The following URAD variants were observed in gnomAD, a reference collection of about 807,000 sequenced individuals.
URAD encodes putative 2-oxo-4-hydroxy-4-carboxy-5-ureidoimidazoline decarboxylase.
URAD carries 4 observed loss-of-function variants against 4.6 expected under a neutral mutation model. The ratio of observed to expected loss-of-function variants is 0.87; its 90% CI spans 0.43 to 1.98. URAD has a LOEUF of 1.98. URAD is among the 30% of genes most tolerant of loss of function. URAD has a pLI of 0.03. For missense variants in URAD, 300 were observed against 255.3 expected, an observed-to-expected ratio of 1.18 and a Z score of -1.19; for synonymous variants, 144 against 118.2, an observed-to-expected ratio of 1.22 and a Z score of -1.41.
In URAD at chr13:27,978,163, C is replaced by T; in HGVS notation, c.465G>A (p.Lys155=). ...CGGCCAGGCGCAGGCTGCCGATCTT[C>T]TTCACCTCGCCCAGAGCAGTGCGCA... is the stretch of plus-strand genomic sequence containing the variant. The part of the protein sequence containing the change: ...QELRTALGEV[K]KIGSLRLADL... Residue 155 remains lysine (K), a synonymous_variant, in exon 2 of 2, where the codon AAG becomes AAA. Transcript: ENST00000332715. 1 of 1,534,978 alleles carries T rather than the reference C, an allele frequency of 6.5e-7. No individual in the cohort carries two copies.
intron 1 of URAD, among the ~76,000 whole-genome samples, chr13:27,985,185 A>C (rs1415363851): frequency 6.6e-6 from 1 of 151,438 alleles, no homozygotes; most frequent in Non-Finnish European, 1.5e-5. Context: ...AGGTGGGGCA[A>C]GGTGGCTCAT....
At chr13:27,986,357 T>A (rs1870027839) in intron 1 of URAD, among the ~76,000 whole-genome samples, 1 of 152,146 alleles carries the variant, frequency 6.6e-6, no homozygotes, top group African/African-American at 2.4e-5. Context: ...TTTCATCAAG[T>A]CACGGGGGCA....
chr13:27,988,016 T>C (rs1870086096), intron 1 of URAD, among the ~76,000 whole-genome samples: 1 of 152,200 alleles, frequency 6.6e-6, no homozygotes, highest in Admixed American at 6.5e-5. Flanking sequence ...TGGAGTGCAG[T>C]GGTGAAATTT....
intron 1 of URAD, among the ~76,000 whole-genome samples, chr13:27,984,056 G>GT (rs944048325): frequency 1.6e-4 from 24 of 151,846 alleles, no homozygotes; most frequent in East Asian, 1.4e-3. Flanking sequence ...GATGCACTTT[G>GT]TTTTTTTTGT....
chr13:27,984,970 C>T (rs1260771148), intron 1 of URAD, among the ~76,000 whole-genome samples: 1 of 150,712 alleles, frequency 6.6e-6, no homozygotes, highest in East Asian at 1.9e-4. Flanking sequence ...CAGAGCAAGA[C>T]TCCATCTCAA....
At chr13:27,988,121 G>A (rs112280263) in intron 1 of URAD, among the ~76,000 whole-genome samples, 8,208 of 152,160 alleles carry the variant, frequency 0.054, 678 homozygotes, top group African/African-American at 0.18. Context: ...ACCACGCCTG[G>A]CTAATTTTTT....
At chr13:27,986,550 CAG>C (rs1159294945) in intron 1 of URAD, among the ~76,000 whole-genome samples, 4 of 152,188 alleles carry the variant, frequency 2.6e-5, no homozygotes, top group African/African-American at 9.7e-5. Context: ...GTTCCAGACA[CAG>C]AGTAAGAAAG....
intron 1 of URAD, among the ~76,000 whole-genome samples, chr13:27,983,899 A>G (rs1191134767): frequency 6.6e-6 from 1 of 152,216 alleles, no homozygotes; most frequent in Non-Finnish European, 1.5e-5. Context: ...GAATAAACAA[A>G]CACATTTTAA....
chr13:27,981,862 T>C (rs1869886731), intron 1 of URAD, among the ~76,000 whole-genome samples: 3 of 152,194 alleles, frequency 2.0e-5, no homozygotes, highest in Admixed American at 6.5e-5. Context: ...CCTCATCCCA[T>C]AAACAATATT....
chr13:27,984,413 A>G (rs1293599300), intron 1 of URAD, among the ~76,000 whole-genome samples: 1 of 152,206 alleles, frequency 6.6e-6, no homozygotes, highest in Non-Finnish European at 1.5e-5. Flanking sequence ...ACTTTGCCCA[A>G]TAGCACTAGA....
rs191812930 is a variant in URAD, at chr13:27,984,976, C to A, written c.175+3487G>T. ...CCTGGATGACAGAGCAAGACTCCAT[C>A]TCAAAAAAACAAACAAACAAAAGCA... On this transcript the variant is annotated intron_variant, in intron 1 of 1. Transcript: ENST00000332715. Among the ~76,000 whole-genome samples, 61 of 149,260 alleles carry A rather than the reference C, an allele frequency of 4.1e-4. No individual in the cohort carries two copies. The East Asian group carries it at 0.011, about 27-fold the overall frequency.
chr13:27,982,497 C>T (rs1459340472), intron 1 of URAD, among the ~76,000 whole-genome samples: 1 of 152,148 alleles, frequency 6.6e-6, no homozygotes, highest in Non-Finnish European at 1.5e-5. Flanking sequence ...AGGTCACTAG[C>T]ACTAGTACCA....
intron 1 of URAD, among the ~76,000 whole-genome samples, chr13:27,982,326 CAGG>C (rs1217218790): frequency 6.6e-6 from 1 of 152,064 alleles, no homozygotes; most frequent in Non-Finnish European, 1.5e-5. Context: ...CTACTCAAGG[CAGG>C]AGAATTACTT....
chr13:27,981,293 G>C lies in URAD; in HGVS notation c.176-2841C>G, dbSNP rs1300311679. 3.9e-5 allele frequency among the ~76,000 whole-genome samples: 6 copies of C among 152,196 alleles called. No individual in the cohort carries two copies. The East Asian group carries it at 1.2e-3, about 29-fold the overall frequency. On this transcript the variant is annotated intron_variant, in intron 1 of 1. Coordinates refer to ENST00000332715, the MANE Select transcript of URAD (RefSeq NM_001105577.2). ...AAGCTGTGCCCATAAGCCCCAGTGG[G>C]AGGCTGGATACTGGGCAAGTAGGTG... is the stretch of plus-strand genomic sequence containing the variant.
chr13:27,987,892 T>TGACAGATA (rs1555247013), intron 1 of URAD, among the ~76,000 whole-genome samples: 1 of 150,080 alleles, frequency 6.7e-6, no homozygotes, highest in African/African-American at 2.5e-5. Context: ...AATAGATAGA[T>TGACAGATA]GATAGATAGA....
In URAD at chr13:27,988,555, A is replaced by G. The variant is rs780477671; in HGVS notation, c.83T>C (p.Ile28Thr). 6.2e-7 allele frequency: 1 copy of G among 1,613,978 alleles called. No homozygotes were observed. Residue 28 changes from isoleucine to threonine, a missense_variant, in exon 1 of 2, where the codon ATT (isoleucine) becomes ACT (threonine). Ile to Thr is a moderately conservative substitution (Grantham distance 89). Coordinates refer to ENST00000332715, the MANE Select transcript of URAD (RefSeq NM_001105577.2). ...FGNATERCPL[I>T]AAAVWSQRPF... ...CCGCTGGGACCAAACAGCAGCTGCA[A>G]TCAGAGGACATCTCTCAGTGGCATT...
Position 27,978,471 on chromosome 13 carries a change from A to G in URAD, c.176-19T>C, listed in dbSNP as rs2137553776. The G allele has an allele frequency of 7.7e-7, 1 of 1,306,752 alleles. No individual in the cohort carries two copies. Among genetic ancestry groups the G allele is most frequent in the Non-Finnish European group, 9.7e-7 (1 of 1,031,976 alleles). 80.9% of individuals were successfully genotyped at this position (1,306,752 alleles called of 1,614,324 possible). A position where few individuals can be genotyped will look rare whatever the true frequency, so the allele number is the denominator to read the frequency against. ...TCCTGGCCTGCGGAGAAGCACAGACACCGGCGGGAGCGCGTCAACCGCGCC... is the reference window on the plus strand; with the variant it reads ...TCCTGGCCTGCGGAGAAGCACAGACGCCGGCGGGAGCGCGTCAACCGCGCC... On this transcript the variant is annotated intron_variant, in intron 1 of 1. Transcript: ENST00000332715.
At chr13:27,988,398 T>G (rs1241547953) in intron 1 of URAD, 65 bp downstream of exon 1, 1 of 1,493,998 alleles carries the variant, frequency 6.7e-7, no homozygotes, top group East Asian at 2.3e-5. Context: ...GGCCAGTATC[T>G]AAAAATATTT....
intron 1 of URAD, among the ~76,000 whole-genome samples, chr13:27,983,896 C>T (rs1021147195): frequency 3.9e-5 from 6 of 152,148 alleles, no homozygotes; most frequent in Non-Finnish European, 8.8e-5. Flanking sequence ...TCTGAATAAA[C>T]AAACACATTT....
Sources: allele counts gnomAD v4.1 joint callset (sites outside exome capture counted in the v4.1 genomes callset), GRCh38; gene constraint gnomAD v4.1.1; transcripts MANE v1.5; gene names NCBI Gene and HGNC (gene_info 2026-07-23, HGNC 2026-07-21).